The following GNA12 variants were observed in gnomAD, a reference collection of about 807,000 sequenced individuals.
The protein encoded by GNA12 is G protein subunit alpha 12, also known as guanine nucleotide-binding protein subunit alpha-12.
A neutral mutation model predicts 26.0 loss-of-function variants in GNA12; 9 were observed. The observed-to-expected ratio is 0.35, with a 90% CI of 0.21 to 0.60. The LOEUF (loss-of-function observed/expected upper bound fraction) is 0.60, where lower values mean the gene tolerates loss of function less well. Among genes scored for constraint, GNA12 ranks in the 20% least tolerant of loss-of-function variants. The pLI is 0.78. For synonymous variants in GNA12, 264 were observed against 219.6 expected, an observed-to-expected ratio of 1.20 and a Z score of -1.79; for missense variants, 405 against 525.8, an observed-to-expected ratio of 0.77 and a Z score of 2.25.
intron 1 of GNA12, among the ~76,000 whole-genome samples, chr7:2,838,806 A>G (rs1778908871): frequency 6.6e-6 from 1 of 152,178 alleles, no homozygotes; most frequent in African/African-American, 2.4e-5. Flanking sequence ...AAAAAGAAGG[A>G]CATTACATAA....
chr7:2,818,759 G>T, intron 1 of GNA12, among the ~76,000 whole-genome samples: 2 of 114,768 alleles, frequency 1.7e-5, no homozygotes, highest in African/African-American at 3.4e-5. Context: ...ACCCTAACTT[G>T]AAAAAAAAAA....
At chr7:2,764,362 C>T (rs745799753) in intron 2 of GNA12, among the ~76,000 whole-genome samples, 9 of 151,868 alleles carry the variant, frequency 5.9e-5, no homozygotes, top group Admixed American at 2.6e-4. Flanking sequence ...GGATTCCAGG[C>T]GTGTGCTCCC....
intron 2 of GNA12, among the ~76,000 whole-genome samples, chr7:2,748,377 T>C (rs1031409695): frequency 1.3e-5 from 2 of 152,212 alleles, no homozygotes; most frequent in African/African-American, 4.8e-5. Context: ...CTATCTGATC[T>C]TTGACAAACC....
intron 2 of GNA12, among the ~76,000 whole-genome samples, chr7:2,754,476 C>T (rs140885231): frequency 0.011 from 1,659 of 152,078 alleles, 12 homozygotes; most frequent in Non-Finnish European, 0.016. Context: ...GGCACGGTGG[C>T]TCACCCCTGT....
In GNA12 at chr7:2,792,654, A is replaced by C. The variant is rs538931543; in HGVS notation, c.525+2274T>G. Reference sequence around the variant, plus strand: ...ATTTCACATTGAGATACTGACATGTATTTCCCAATTGTTTCTTCCAGCCCT... The same window carrying C: ...ATTTCACATTGAGATACTGACATGTCTTTCCCAATTGTTTCTTCCAGCCCT... On this transcript the variant is annotated intron_variant, in intron 2 of 3. Transcript: ENST00000275364. Among the ~76,000 whole-genome samples, 4 of 152,310 alleles carry C rather than the reference A, an allele frequency of 2.6e-5. 1 individual carries two copies. Among genetic ancestry groups the C allele is most frequent in the African/African-American group, 9.6e-5 (4 of 41,570 alleles).
chr7:2,739,384 C>T (rs1032837053), intron 2 of GNA12, among the ~76,000 whole-genome samples: 2 of 152,340 alleles, frequency 1.3e-5, no homozygotes, highest in African/African-American at 4.8e-5. Context: ...ACACAGCATG[C>T]AGCCCTTTGT....
At chr7:2,791,954 C>G (rs1374603455) in intron 2 of GNA12, among the ~76,000 whole-genome samples, 1 of 152,122 alleles carries the variant, frequency 6.6e-6, no homozygotes, top group Non-Finnish European at 1.5e-5. Context: ...TTCACATCAT[C>G]ATCTCTGCAT....
At chr7:2,749,515 G>A (rs1790923316) in intron 2 of GNA12, among the ~76,000 whole-genome samples, 1 of 145,538 alleles carries the variant, frequency 6.9e-6, no homozygotes, top group Non-Finnish European at 1.5e-5. Context: ...CTATTGTGGG[G>A]TAGGGGGAGG....
chr7:2,755,746 T>C (rs535253138), intron 2 of GNA12, among the ~76,000 whole-genome samples: 59 of 152,344 alleles, frequency 3.9e-4, no homozygotes, highest in Admixed American at 3.9e-4. Context: ...CCTTACTGCA[T>C]TGGCTAAAAC....
At chr7:2,843,062 G>A (rs6979506) in intron 1 of GNA12, among the ~76,000 whole-genome samples, 1,895 of 152,286 alleles carry the variant, frequency 0.012, 55 homozygotes, top group African/African-American at 0.044. Flanking sequence ...CCAGGTGGGA[G>A]GATGGCTTGA....
At chr7:2,778,306 T>C (rs1192536127) in intron 2 of GNA12, among the ~76,000 whole-genome samples, 2 of 152,242 alleles carry the variant, frequency 1.3e-5, no homozygotes, top group African/African-American at 4.8e-5. Context: ...ACAGCCAGAA[T>C]AGGGCAGGCC....
intron 1 of GNA12, chr7:2,814,467 C>G: frequency 2.3e-6 from 2 of 868,326 alleles, no homozygotes; most frequent in Admixed American, 1.9e-5. Flanking sequence ...CCTGCTCAAG[C>G]TTCTCCAAGC....
rs780640776 is a variant in GNA12 at position 2,731,249 on chromosome 7, G to A, written c.1078C>T (p.Arg360Cys). 2.5e-6 allele frequency: 4 copies of A among 1,613,862 alleles called. No individual in the cohort carries two copies. The highest frequency in any genetic ancestry group is 2.2e-5 in the South Asian group (2 of 91,058). Residue 360 changes from arginine (R) to cysteine (C), a missense_variant, in exon 4 of 4, where the codon CGC (arginine) becomes TGC (cysteine). Coordinates refer to ENST00000275364, the MANE Select transcript of GNA12 (RefSeq NM_007353.3). This position sits in a 1 kb window ranked among gnomAD's most constrained non-coding sequence, Gnocchi z 6.0. ...FTTAIDTENV[R>C]FVFHAVKDTI... ...TCTTTCACAGCATGGAACACGAAGC[G>A]GACGTTCTCGGTGTCGATGGCGGTG...
intron 1 of GNA12, chr7:2,815,148 C>A: frequency 1.5e-6 from 1 of 672,504 alleles, no homozygotes; most frequent in Non-Finnish European, 2.4e-6. Flanking sequence ...AGGAGCAATA[C>A]AAAAAGCAAG....
Position 2,731,809 on chromosome 7 carries a change from G to A in GNA12, c.577-59C>T. 1.1e-6 allele frequency: 1 copy of A among 886,484 alleles called. No homozygotes were observed. Among genetic ancestry groups the A allele is most frequent in the Non-Finnish European group, 1.6e-6 (1 of 613,510 alleles). 54.9% of individuals were successfully genotyped at this position (886,484 alleles called of 1,614,324 possible). A position where few individuals can be genotyped will look rare whatever the true frequency, so the allele number is the denominator to read the frequency against. ...GGAGGAAGAAAGAACAGAGAAAATA[G>A]AAACAAAAAGATGGCAAAAAGATAA... On this transcript the variant is annotated intron_variant, in intron 3 of 3. Transcript: ENST00000275364. This position sits in a 1 kb window ranked among gnomAD's most constrained non-coding sequence, Gnocchi z 6.0.
intron 1 of GNA12, among the ~76,000 whole-genome samples, chr7:2,804,229 C>G (rs1010472102): frequency 6.6e-6 from 1 of 152,210 alleles, no homozygotes; most frequent in African/African-American, 2.4e-5. Flanking sequence ...AAGTCAGGAT[C>G]TGCATTGTGA....
intron 1 of GNA12, chr7:2,835,781 G>C (rs772418395): frequency 9.7e-6 from 7 of 722,710 alleles, no homozygotes; most frequent in South Asian, 2.9e-5. Context: ...GAAGATGCTC[G>C]TGACGGTACC....
chr7:2,796,593 A>G (rs1451533091), intron 1 of GNA12, among the ~76,000 whole-genome samples: 1 of 152,220 alleles, frequency 6.6e-6, no homozygotes. Flanking sequence ...GAAAAGACTA[A>G]AATACGACAA....
At chr7:2,766,784 G>A (rs1791816573) in intron 2 of GNA12, among the ~76,000 whole-genome samples, 1 of 152,166 alleles carries the variant, frequency 6.6e-6, no homozygotes, top group Non-Finnish European at 1.5e-5. Flanking sequence ...TAAATACCCC[G>A]AGGAGGCACT....
Sources: allele counts gnomAD v4.1 joint callset (sites outside exome capture counted in the v4.1 genomes callset), GRCh38; gene constraint gnomAD v4.1.1; non-coding constraint Gnocchi (gnomAD v3.1); transcripts MANE v1.5; gene names NCBI Gene and HGNC (gene_info 2026-07-23, HGNC 2026-07-21).